The following TRPC4 variants were observed in gnomAD, a reference collection of about 807,000 sequenced individuals.
The protein encoded by TRPC4 is transient receptor potential cation channel subfamily C member 4.
Under a neutral mutation model 99.4 loss-of-function variants are expected in TRPC4, and 49 were observed. The observed-to-expected ratio is 0.49, with a 90% CI of 0.39 to 0.63. TRPC4 has a LOEUF of 0.63. Among genes scored for constraint, TRPC4 ranks in the 20% least tolerant of loss-of-function variants. The probability of loss-of-function intolerance (pLI) is 0.00; values close to 1 mark genes in which losing one functional copy is unlikely to be tolerated. For missense variants in TRPC4, 898 were observed against 1,152.9 expected, an observed-to-expected ratio of 0.78 and a Z score of 3.20; for synonymous variants, 454 against 425.9, an observed-to-expected ratio of 1.07 and a Z score of -0.81.
chr13:37,862,414 T>A (rs1357646818), intron 1 of TRPC4, among the ~76,000 whole-genome samples: 1 of 151,596 alleles, frequency 6.6e-6, no homozygotes, highest in Non-Finnish European at 1.5e-5. Flanking sequence ...GTGTCAATAA[T>A]GCTATTTAAA....
At chr13:37,756,138 A>G (rs1956090235) in intron 2 of TRPC4, among the ~76,000 whole-genome samples, 1 of 152,190 alleles carries the variant, frequency 6.6e-6, no homozygotes, top group Admixed American at 6.5e-5. Flanking sequence ...TAGAACCTAA[A>G]TTTATATACA....
chr13:37,732,567 A>G (rs1410294127), intron 3 of TRPC4, among the ~76,000 whole-genome samples: 1 of 152,190 alleles, frequency 6.6e-6, no homozygotes, highest in South Asian at 2.1e-4. Flanking sequence ...CTAGAAAACC[A>G]TAAAGGCTTC....
intron 1 of TRPC4, among the ~76,000 whole-genome samples, chr13:37,799,525 C>T (rs959495503): frequency 1.3e-5 from 2 of 152,116 alleles, no homozygotes; most frequent in African/African-American, 4.8e-5. Context: ...GGCAGAATTA[C>T]TTAACTCAGA....
intron 1 of TRPC4, among the ~76,000 whole-genome samples, chr13:37,788,552 T>C (rs1037442059): frequency 1.8e-4 from 27 of 151,544 alleles, no homozygotes; most frequent in African/African-American, 6.0e-4. Flanking sequence ...TGGTCCTGCC[T>C]TGGGCTCCCT....
chr13:37,686,376 CTGAT>C (rs1440636723), intron 4 of TRPC4, among the ~76,000 whole-genome samples: 1 of 151,514 alleles, frequency 6.6e-6, no homozygotes, highest in African/African-American at 2.4e-5. Flanking sequence ...ATACACATAA[CTGAT>C]TATACATATA....
intron 1 of TRPC4, among the ~76,000 whole-genome samples, chr13:37,809,052 C>T (rs1957605222): frequency 6.6e-6 from 1 of 151,974 alleles, no homozygotes; most frequent in Admixed American, 6.6e-5. Context: ...CAGGTTTATC[C>T]AAATGCAACT....
intron 5 of TRPC4, among the ~76,000 whole-genome samples, chr13:37,665,448 C>T (rs73186510): frequency 2.6e-5 from 4 of 152,268 alleles, no homozygotes; most frequent in Non-Finnish European, 5.9e-5. Context: ...CAATCATTTT[C>T]TTGAACTTCT....
chr13:37,747,933 G>A (rs1955830809), intron 2 of TRPC4, among the ~76,000 whole-genome samples: 1 of 152,134 alleles, frequency 6.6e-6, no homozygotes, highest in Non-Finnish European at 1.5e-5. Context: ...TTGGTCACAA[G>A]TACTGCAATC....
intron 1 of TRPC4, among the ~76,000 whole-genome samples, chr13:37,835,469 G>A (rs1958540683): frequency 6.6e-6 from 1 of 152,114 alleles, no homozygotes; most frequent in Non-Finnish European, 1.5e-5. Flanking sequence ...TTATGATGCT[G>A]TACAAACACC....
At chr13:37,774,887 T>C (rs1362069280) in intron 2 of TRPC4, among the ~76,000 whole-genome samples, 1 of 151,818 alleles carries the variant, frequency 6.6e-6, no homozygotes, top group African/African-American at 2.4e-5. Context: ...TTCCCAATTA[T>C]ATTAACATGT....
chr13:37,736,000 A>G (rs1244811727), intron 3 of TRPC4, among the ~76,000 whole-genome samples: 3 of 151,178 alleles, frequency 2.0e-5, no homozygotes, highest in African/African-American at 2.5e-5. Flanking sequence ...ACTGTGGGGG[A>G]AAAAAACACT....
chr13:37,758,284 G>T (rs1487488569), intron 2 of TRPC4, among the ~76,000 whole-genome samples: 3 of 151,786 alleles, frequency 2.0e-5, no homozygotes, highest in African/African-American at 7.2e-5. Context: ...TTAGTATGTT[G>T]AATCCAACAG....
intron 1 of TRPC4, among the ~76,000 whole-genome samples, chr13:37,813,495 C>T (rs939186071): frequency 6.6e-6 from 1 of 150,596 alleles, no homozygotes; most frequent in African/African-American, 2.4e-5. Flanking sequence ...GCTAAACAGA[C>T]CAAGGGGAAA....
At position 37,674,683 on chromosome 13, in the gene TRPC4, T is replaced by C. The variant is rs183354888; in HGVS notation, c.1235-316A>G. 4.7e-4 allele frequency among the ~76,000 whole-genome samples: 71 copies of C among 152,302 alleles called. 2 individuals are homozygous for C. The South Asian group carries it at 0.014, about 30-fold the overall frequency. The stretch of plus-strand genomic sequence containing the variant: ...TATATATTTCCCTTGGAAAATAACA[T>C]TTTCTTAAAAGCAAATGTCTTGACA... On this transcript the variant is annotated intron_variant, in intron 4 of 10. Coordinates refer to ENST00000379705, the MANE Select transcript of TRPC4 (RefSeq NM_016179.4).
intron 3 of TRPC4, among the ~76,000 whole-genome samples, chr13:37,699,428 G>C (rs1954028749): frequency 1.3e-5 from 2 of 152,118 alleles, no homozygotes; most frequent in African/African-American, 4.8e-5. Context: ...ATTACATTCA[G>C]AAGATAATAA....
At chr13:37,788,671 G>A (rs1421578028) in intron 1 of TRPC4, among the ~76,000 whole-genome samples, 2 of 151,994 alleles carry the variant, frequency 1.3e-5, no homozygotes, top group African/African-American at 2.4e-5. Flanking sequence ...TATGACCAGG[G>A]TCCTGCTTGT....
chr13:37,651,115 C>T, intron 8 of TRPC4, 150 bp downstream of exon 8: 2 of 838,742 alleles, frequency 2.4e-6, no homozygotes, highest in Non-Finnish European at 3.7e-6. Flanking sequence ...CAGACACTGC[C>T]TTAGTCATGG....
chr13:37,830,484 G>A (rs1353405092), intron 1 of TRPC4, among the ~76,000 whole-genome samples: 13 of 151,788 alleles, frequency 8.6e-5, no homozygotes, highest in Non-Finnish European at 1.0e-4. Flanking sequence ...TGAGGCAGGC[G>A]GATAACCTAA....
intron 1 of TRPC4, among the ~76,000 whole-genome samples, chr13:37,812,358 A>G (rs1005625843): frequency 1.5e-4 from 23 of 151,842 alleles, no homozygotes; most frequent in African/African-American, 5.6e-4. Context: ...AAAAATACAA[A>G]CCATTATGAG....
Sources: gnomAD v4.1 joint callset for allele counts (sites outside exome capture counted in the v4.1 genomes callset) on GRCh38, gnomAD v4.1.1 for gene constraint, MANE v1.5 for transcripts, NCBI Gene and HGNC (gene_info 2026-07-23, HGNC 2026-07-21) for gene names.